SLC23A2: variants seen among roughly 807,000 people sequenced by gnomAD.
SLC23A2 encodes the protein solute carrier family 23 member 2, also known as Na(+)/L-ascorbic acid transporter 2.
In SLC23A2, 36 loss-of-function variants were observed where a neutral mutation model predicts 73.3. The ratio of observed to expected loss-of-function variants is 0.49; its 90% CI spans 0.38 to 0.65. The LOEUF (loss-of-function observed/expected upper bound fraction) is 0.65, where lower values mean the gene tolerates loss of function less well. Among genes scored for constraint, SLC23A2 ranks in the 30% least tolerant of loss-of-function variants. The pLI, the probability that SLC23A2 is intolerant of heterozygous loss-of-function variation, is 0.00. For synonymous variants in SLC23A2, 343 were observed against 327.3 expected (o/e 1.05, Z -0.52); for missense variants, 507 against 841.6 (o/e 0.60, Z 4.92).
At chr20:4,999,383 G>A (rs928425149) in intron 1 of SLC23A2, among the ~76,000 whole-genome samples, 4 of 152,098 alleles carry the variant, frequency 2.6e-5, no homozygotes, top group Non-Finnish European at 5.9e-5. Flanking sequence ...CTACTCAGTG[G>A]GTGGCTACAT....
chr20:5,008,908 C>T (rs2088219674), intron 1 of SLC23A2, among the ~76,000 whole-genome samples: 1 of 152,020 alleles, frequency 6.6e-6, no homozygotes, highest in Non-Finnish European at 1.5e-5. Context: ...CTCCCAGTTC[C>T]CACAATCATC....
chr20:4,894,245 GGAGGAAGAGGGA>G (rs1264186356), intron 6 of SLC23A2, among the ~76,000 whole-genome samples: 2 of 152,126 alleles, frequency 1.3e-5, no homozygotes, highest in Non-Finnish European at 2.9e-5. Context: ...GAAAAGGTAG[GGAGGAAGAGGGA>G]GAGGGAGAGG....
Position 4,990,702 on chromosome 20 carries a change from C to T in SLC23A2, c.-282+10704G>A, listed in dbSNP as rs890333344. Reference sequence around the variant, plus strand: ...CTCTTATCTTATTATAAAAACAAGGCCGGGCACAGTGGCTCACGCCTGTAA... The same window carrying T: ...CTCTTATCTTATTATAAAAACAAGGTCGGGCACAGTGGCTCACGCCTGTAA... On this transcript the variant is annotated intron_variant, in intron 1 of 16. Coordinates refer to ENST00000338244, the MANE Select transcript of SLC23A2 (RefSeq NM_005116.6). Among the ~76,000 whole-genome samples, 68 of 149,738 alleles carry T rather than the reference C, an allele frequency of 4.5e-4. 1 individual carries two copies. Among genetic ancestry groups the T allele is most frequent in the Admixed American group, 2.4e-3 (36 of 15,012 alleles).
intron 2 of SLC23A2, among the ~76,000 whole-genome samples, chr20:4,961,890 C>G (rs72552374): frequency 0.034 from 5,179 of 152,252 alleles, 134 homozygotes; most frequent in Non-Finnish European, 0.054. Context: ...GGAATTTGTT[C>G]GGACAGTTCC....
intron 3 of SLC23A2, among the ~76,000 whole-genome samples, chr20:4,922,982 T>G (rs1481788283): frequency 1.3e-5 from 2 of 152,200 alleles, no homozygotes; most frequent in Non-Finnish European, 2.9e-5. Context: ...CTATTAGATG[T>G]GTACTTTGTA....
chr20:5,009,686 G>A (rs1019011353), intron 1 of SLC23A2, among the ~76,000 whole-genome samples: 10 of 152,156 alleles, frequency 6.6e-5, no homozygotes, highest in African/African-American at 2.4e-4. Flanking sequence ...CTGATGAGAG[G>A]TGAAATGCGA....
intron 1 of SLC23A2, among the ~76,000 whole-genome samples, chr20:4,973,446 T>C (rs1174559481): frequency 7.1e-6 from 1 of 140,632 alleles, no homozygotes; most frequent in Non-Finnish European, 1.6e-5. Context: ...CTAAGCTGAG[T>C]GGCAAGATGG....
At chr20:4,923,563 AAC>A (rs1209949703) in intron 3 of SLC23A2, among the ~76,000 whole-genome samples, 1 of 152,212 alleles carries the variant, frequency 6.6e-6, no homozygotes, top group African/African-American at 2.4e-5. Flanking sequence ...GACTCCAGGA[AAC>A]AGTCTCTCTT....
intron 2 of SLC23A2, among the ~76,000 whole-genome samples, chr20:4,944,347 C>A (rs2087085001): frequency 6.6e-6 from 1 of 152,120 alleles, no homozygotes; most frequent in Admixed American, 6.6e-5. Flanking sequence ...TCAAACAACT[C>A]TCTGCCTCAG....
chr20:4,875,869 G>T (rs370252107), intron 9 of SLC23A2, among the ~76,000 whole-genome samples: 1 of 152,256 alleles, frequency 6.6e-6, no homozygotes, highest in African/African-American at 2.4e-5. Context: ...CCTGGGCACA[G>T]TTCCAATTGT....
At chr20:4,964,832 CAA>C (rs10639211) in intron 2 of SLC23A2, among the ~76,000 whole-genome samples, 6 of 88,516 alleles carry the variant, frequency 6.8e-5, no homozygotes, top group Non-Finnish European at 1.1e-4. Context: ...GACTCTGTCT[CAA>C]AAAAAAAAAA....
chr20:4,963,092 C>G (rs2122191063), intron 2 of SLC23A2, among the ~76,000 whole-genome samples: 1 of 152,298 alleles, frequency 6.6e-6, no homozygotes, highest in South Asian at 2.1e-4. Flanking sequence ...GCTATTCCCT[C>G]TACCTGGAAA....
At chr20:4,953,366 A>G (rs2087233185) in intron 2 of SLC23A2, among the ~76,000 whole-genome samples, 2 of 152,068 alleles carry the variant, frequency 1.3e-5, no homozygotes, top group Non-Finnish European at 2.9e-5. Flanking sequence ...TAAAGCAGAC[A>G]GAAAAGATTA....
chr20:4,965,902 GGT>G (rs1262044133), intron 2 of SLC23A2, among the ~76,000 whole-genome samples: 1 of 149,330 alleles, frequency 6.7e-6, no homozygotes, highest in African/African-American at 2.5e-5. Context: ...GGGAGGCAGA[GGT>G]TAAAGTGACC....
In SLC23A2 at chr20:4,873,959, G is replaced by A. The variant is rs767995600; in HGVS notation, c.1079C>T (p.Pro360Leu). 1.9e-6 allele frequency: 3 copies of A among 1,614,014 alleles called. No individual in the cohort carries two copies. The highest frequency in any genetic ancestry group is 2.2e-5 in the East Asian group (1 of 44,882). The change falls in exon 11 of 17, where the codon CCG becomes CTG. Residue 360 changes from proline (P) to leucine (L), a missense_variant. Pro to Leu is a moderately conservative substitution (Grantham distance 98). Coordinates refer to ENST00000338244, the MANE Select transcript of SLC23A2 (RefSeq NM_005116.6). ...ACATGGGTATGGAACCTTAAACCAC[G>A]GGGCTACCAGAAGCACGCCTTGCCT... is the stretch of plus-strand genomic sequence containing the variant. Reference protein sequence around the residue: ...DARQGVLLVAPWFKVPYPFQW... With the variant: ...DARQGVLLVALWFKVPYPFQW...
chr20:4,874,784 A>C (rs762093056), intron 9 of SLC23A2, 88 bp from the exon 10 acceptor site: 48 of 1,106,850 alleles, frequency 4.3e-5, no homozygotes, highest in Non-Finnish European at 4.4e-5. Flanking sequence ...CAAAATTGAC[A>C]TAGTGTTCAA....
At chr20:4,896,910 C>T (rs1931549326) in intron 6 of SLC23A2, among the ~76,000 whole-genome samples, 1 of 152,218 alleles carries the variant, frequency 6.6e-6, no homozygotes, top group South Asian at 2.1e-4. Context: ...GACTTCCTGC[C>T]TTTGCTCCTG....
chr20:4,859,525 T>A (rs935494013), intron 15 of SLC23A2, 141 bp from the exon 16 acceptor site: 1 of 661,822 alleles, frequency 1.5e-6, no homozygotes, highest in Non-Finnish European at 2.8e-6. Flanking sequence ...GTTGTGCACA[T>A]GTAGATGAAT....
intron 15 of SLC23A2, 100 bp downstream of exon 15, chr20:4,861,848 C>T: frequency 4.9e-6 from 6 of 1,233,700 alleles, no homozygotes; most frequent in Non-Finnish European, 5.8e-6. Flanking sequence ...CACCACAGCT[C>T]CTGGAGGCCC....
Sources: allele counts gnomAD v4.1 joint callset (sites outside exome capture counted in the v4.1 genomes callset), GRCh38; gene constraint gnomAD v4.1.1; transcripts MANE v1.5; gene names NCBI Gene and HGNC (gene_info 2026-07-23, HGNC 2026-07-21).